The following LAPTM5 variants were observed in gnomAD, a reference collection of about 807,000 sequenced individuals.
LAPTM5 encodes lysosomal-associated transmembrane protein 5.
In LAPTM5, 11 loss-of-function variants were observed where a neutral mutation model predicts 30.1. The observed-to-expected ratio is 0.37, with a 90% CI of 0.23 to 0.60. The LOEUF is 0.60. Among genes scored for constraint, LAPTM5 ranks in the 20% least tolerant of loss-of-function variants. The pLI is 0.71. For synonymous variants in LAPTM5, 151 were observed against 137.9 expected, an observed-to-expected ratio of 1.10 and a Z score of -0.67; for missense variants, 324 against 332.5, an observed-to-expected ratio of 0.97 and a Z score of 0.20.
Position 30,739,884 on chromosome 1 carries a change from G to A in LAPTM5, c.312C>T (p.Leu104=), listed in dbSNP as rs148532527. 1.9e-6 allele frequency: 3 copies of A among 1,608,064 alleles called. No individual in the cohort carries two copies. Among genetic ancestry groups the A allele is most frequent in the Non-Finnish European group, 2.5e-6 (3 of 1,176,828 alleles). The change falls in exon 4 of 8, where the codon CTC becomes CTT. Residue 104 remains leucine, a synonymous_variant. Coordinates refer to ENST00000294507, the MANE Select transcript of LAPTM5 (RefSeq NM_006762.3). This position sits in a 1 kb window ranked among gnomAD's most constrained non-coding sequence, Gnocchi z 4.2. ...AGCCCAGCAGGGTGAGCAGGCACAG[G>A]AGATAGTCCATGATTTGCAGGGACA... The part of the protein sequence containing the change: ...PFLSLQIMDY[L]LCLLTLLGSY...
chr1:30,733,765 C>CA lies in LAPTM5; in HGVS notation c.*62dup, dbSNP rs1639848317. ...ACCCAGGCCACAGGGGCCACCAAAG[C>CA]AAAAAAGCAGATTATGAGGCAGCTC... On this transcript the variant is annotated 3_prime_UTR_variant, in exon 8 of 8. Coordinates refer to ENST00000294507, the MANE Select transcript of LAPTM5 (RefSeq NM_006762.3). The CA allele has an allele frequency of 1.9e-6, 3 of 1,555,656 alleles. No individual in the cohort carries two copies. The South Asian group carries it at 3.5e-5, about 18-fold the overall frequency.
At position 30,733,729 on chromosome 1, in the gene LAPTM5, C is replaced by T. The variant is rs757009420; in HGVS notation, c.*99G>A. On this transcript the variant is annotated 3_prime_UTR_variant, in exon 8 of 8. Coordinates refer to ENST00000294507, the MANE Select transcript of LAPTM5 (RefSeq NM_006762.3). ...AGCAGATTGTCCTGCCAGGGAGGGG[C>T]GGGAGGGCCCACCCAGGCCACAGGG... 1.1e-5 allele frequency: 13 copies of T among 1,208,102 alleles called. No homozygotes were observed. The highest frequency in any genetic ancestry group is 3.9e-5 in the South Asian group (3 of 76,884). 74.8% of individuals were successfully genotyped at this position (1,208,102 alleles called of 1,614,324 possible).
rs1639932353 is a variant in LAPTM5 at position 30,739,163 on chromosome 1, C to G, written c.388-101G>C. The G allele has an allele frequency of 7.1e-7, 1 of 1,409,150 alleles. No individual in the cohort carries two copies. The highest frequency in any genetic ancestry group is 9.6e-7 in the Non-Finnish European group (1 of 1,038,280). The allele number at this position is 1,409,150 out of a possible 1,614,324, so 87.3% of individuals were successfully genotyped here. ...GCCCTCACTTGAGAGACCGTCTCAG[C>G]TACAGACATCAGTGACTCTCGTCCC... On this transcript the variant is annotated intron_variant, in intron 4 of 7. Coordinates refer to ENST00000294507, the MANE Select transcript of LAPTM5 (RefSeq NM_006762.3). The surrounding 1 kb of genome is among the most constrained non-coding windows in gnomAD (Gnocchi z 4.2).
At chr1:30,753,593 C>T (rs1193607767) in intron 1 of LAPTM5, among the ~76,000 whole-genome samples, 1 of 152,074 alleles carries the variant, frequency 6.6e-6, no homozygotes, top group Admixed American at 6.5e-5. Context: ...CTGACAAATA[C>T]TCCTCGAACT....
chr1:30,754,609 T>C (rs1640182948), intron 1 of LAPTM5, among the ~76,000 whole-genome samples: 2 of 152,088 alleles, frequency 1.3e-5, no homozygotes, highest in South Asian at 4.1e-4. Context: ...AAAAAAAGAA[T>C]AGATTTTTTA....
At chr1:30,757,405 A>T (rs553633213) in intron 1 of LAPTM5, among the ~76,000 whole-genome samples, 2 of 152,298 alleles carry the variant, frequency 1.3e-5, no homozygotes, top group South Asian at 4.1e-4. Context: ...AGTGAACGTC[A>T]GTTACATTTG....
intron 1 of LAPTM5, among the ~76,000 whole-genome samples, chr1:30,743,795 G>GTGTT (rs1553127163): frequency 7.4e-5 from 8 of 107,860 alleles, no homozygotes; most frequent in African/African-American, 2.6e-4. Flanking sequence ...GACTGTGTGG[G>GTGTT]TTTTTTTTTT....
rs1639944547 is a variant in LAPTM5 at position 30,739,922 on chromosome 1, G to C, written c.274C>G (p.Leu92Val). The change falls in exon 4 of 8, where the codon CTG becomes GTG. Residue 92 changes from leucine to valine, a missense_variant. Physicochemically the swap from Leu to Val is conservative, Grantham distance 32. Coordinates refer to ENST00000294507, the MANE Select transcript of LAPTM5 (RefSeq NM_006762.3). This position sits in a 1 kb window ranked among gnomAD's most constrained non-coding sequence, Gnocchi z 4.2. The stretch of plus-strand genomic sequence containing the variant: ...ATTTGCAGGGACAGGAAGGGCAGCA[G>C]GTACTTCTCCCGGTTCTGAAAGGTA... Reference protein sequence around the residue: ...IGVVKNREKYLLPFLSLQIMD... With the variant: ...IGVVKNREKYVLPFLSLQIMD... 11 of 1,600,442 alleles carry C rather than the reference G, an allele frequency of 6.9e-6. No individual in the cohort carries two copies. Among genetic ancestry groups the C allele is most frequent in the Non-Finnish European group, 9.4e-6 (11 of 1,172,050 alleles).
rs991257032 is a variant in LAPTM5 at position 30,746,265 on chromosome 1, T to A, written c.88-3716A>T. 6.6e-6 allele frequency: 1 copy of A among 152,186 alleles called. No individual in the cohort carries two copies. The highest frequency in any genetic ancestry group is 2.4e-5 in the African/African-American group (1 of 41,402). 9.4% of individuals were successfully genotyped at this position (152,186 alleles called of 1,614,324 possible). A position where few individuals can be genotyped will look rare whatever the true frequency, so the allele number is the denominator to read the frequency against. ...AGGAGGGTCAGTGGGGTGGAGCTCCTACACACTGTAGGACATCTCACCCAG... is the reference window on the plus strand; with the variant it reads ...AGGAGGGTCAGTGGGGTGGAGCTCCAACACACTGTAGGACATCTCACCCAG... On this transcript the variant is annotated intron_variant, in intron 1 of 7. Transcript: ENST00000294507. This position sits in a 1 kb window ranked among gnomAD's most constrained non-coding sequence, Gnocchi z 4.0.
In LAPTM5 at chr1:30,738,972, TG is replaced by T; in HGVS notation, c.477del (p.Thr160ProfsTer8). 1 of 1,607,888 alleles carries T rather than the reference TG, an allele frequency of 6.2e-7. No homozygotes were observed. The highest frequency in any genetic ancestry group is 1.1e-5 in the South Asian group (1 of 89,714). On this transcript the variant is annotated frameshift_variant, in exon 5 of 8. Coordinates refer to ENST00000294507, the MANE Select transcript of LAPTM5 (RefSeq NM_006762.3). LOFTEE classifies it high-confidence loss of function. ...LTLCSSYMEV[P>X]TYLNFKSMNH... ...TTCATGGACTTGAAGTTGAGATAGG[TG>T]GGCACTTCCATGTAGGAGCTGCAGA...
At chr1:30,750,854 A>G (rs1640126554) in intron 1 of LAPTM5, among the ~76,000 whole-genome samples, 1 of 152,158 alleles carries the variant, frequency 6.6e-6, no homozygotes, top group South Asian at 2.1e-4. Flanking sequence ...ACCAGGGAGG[A>G]AATTGAGGCT....
rs769043815 is a variant in LAPTM5, at chr1:30,739,423, T to A, written c.388-361A>T. ...AGTGGGCGCTCACTGGCATGAATCA[T>A]CCTTCTCTTCCTTTCTTCAACTTGG... On this transcript the variant is annotated intron_variant, in intron 4 of 7. Transcript: ENST00000294507. The surrounding 1 kb of genome is among the most constrained non-coding windows in gnomAD (Gnocchi z 4.2). 6.6e-5 allele frequency among the ~76,000 whole-genome samples: 10 copies of A among 152,176 alleles called. No homozygotes were observed. The highest frequency in any genetic ancestry group is 1.5e-4 in the Non-Finnish European group (10 of 68,036).
rs993918662 is a variant in LAPTM5 at position 30,735,128 on chromosome 1, A to C, written c.699+45T>G. 3 of 1,383,408 alleles carry C rather than the reference A, an allele frequency of 2.2e-6. No individual in the cohort carries two copies. The African/African-American group carries it at 4.2e-5, about 20-fold the overall frequency. 85.7% of individuals were successfully genotyped at this position (1,383,408 alleles called of 1,614,324 possible). A position where few individuals can be genotyped will look rare whatever the true frequency, so the allele number is the denominator to read the frequency against. ...GAAGGAAACTTGACCCAAATGGCACAGGGAGTTAGTGACAGGGCTGGCACC... is the reference window on the plus strand; with the variant it reads ...GAAGGAAACTTGACCCAAATGGCACCGGGAGTTAGTGACAGGGCTGGCACC... On this transcript the variant is annotated intron_variant, in intron 7 of 7. Coordinates refer to ENST00000294507, the MANE Select transcript of LAPTM5 (RefSeq NM_006762.3).
chr1:30,757,311 A>T (rs141317083), intron 1 of LAPTM5, among the ~76,000 whole-genome samples: 2 of 152,312 alleles, frequency 1.3e-5, no homozygotes, highest in Non-Finnish European at 2.9e-5. Context: ...GCACTTTCAC[A>T]TCTGCTGTTG....
chr1:30,739,738 T>A lies in LAPTM5; in HGVS notation c.387+71A>T. The A allele has an allele frequency of 6.7e-7, 1 of 1,487,152 alleles. No individual in the cohort carries two copies. Among genetic ancestry groups the A allele is most frequent in the Non-Finnish European group, 9.0e-7 (1 of 1,112,630 alleles). 92.1% of individuals were successfully genotyped at this position (1,487,152 alleles called of 1,614,324 possible). A position where few individuals can be genotyped will look rare whatever the true frequency, so the allele number is the denominator to read the frequency against. On this transcript the variant is annotated intron_variant, in intron 4 of 7. Transcript: ENST00000294507. The surrounding 1 kb of genome is among the most constrained non-coding windows in gnomAD (Gnocchi z 4.2). The stretch of plus-strand genomic sequence containing the variant: ...CCAGCCTGAGCACAGGGCCCGTGTC[T>A]GGTCCCCTCCCATCTCCCATGCCAG...
intron 7 of LAPTM5, 61 bp from the exon 8 acceptor site, chr1:30,733,978 G>A (rs1639853006): frequency 1.3e-6 from 2 of 1,553,042 alleles, no homozygotes; most frequent in Non-Finnish European, 1.7e-6. Flanking sequence ...ATTCCAACCT[G>A]GGGTCATGGG....
rs557064504 is a variant in LAPTM5 at position 30,739,995 on chromosome 1, C to T, written c.259-58G>A. 2.4e-5 allele frequency: 36 copies of T among 1,491,658 alleles called. No homozygotes were observed. In the African/African-American group the frequency reaches 4.4e-4, roughly 18 times the overall value. 92.4% of individuals were successfully genotyped at this position (1,491,658 alleles called of 1,614,324 possible). On this transcript the variant is annotated intron_variant, in intron 3 of 7. Transcript: ENST00000294507. The surrounding 1 kb of genome is among the most constrained non-coding windows in gnomAD (Gnocchi z 4.2). Reference sequence around the variant, plus strand: ...CCTGCATGCAGCCAACACTCCGCCACCCAGCCTGATATCCTCATGCATCCC... The same window carrying T: ...CCTGCATGCAGCCAACACTCCGCCATCCAGCCTGATATCCTCATGCATCCC...
intron 1 of LAPTM5, among the ~76,000 whole-genome samples, chr1:30,750,914 T>G (rs530975262): frequency 2.4e-4 from 37 of 152,352 alleles, no homozygotes; most frequent in African/African-American, 7.5e-4. Context: ...GCTGAGGCAG[T>G]GCAGCTCATG....
At chr1:30,745,146 A>C (rs1640023875) in intron 1 of LAPTM5, among the ~76,000 whole-genome samples, 1 of 152,148 alleles carries the variant, frequency 6.6e-6, no homozygotes, top group Admixed American at 6.5e-5. Flanking sequence ...GGACATTTGT[A>C]CAGCCTAACT....
Sources: gnomAD v4.1 joint callset for allele counts (sites outside exome capture counted in the v4.1 genomes callset) on GRCh38, gnomAD v4.1.1 for gene constraint, Gnocchi (gnomAD v3.1) non-coding constraint, MANE v1.5 for transcripts, NCBI Gene and HGNC (gene_info 2026-07-23, HGNC 2026-07-21) for gene names.